CXCR5: variants seen among roughly 807,000 people sequenced by gnomAD.
The protein encoded by CXCR5 is C-X-C motif chemokine receptor 5.
In CXCR5, 3 loss-of-function variants were observed where a neutral mutation model predicts 5.6. The ratio of observed to expected loss-of-function variants is 0.54; its 90% CI spans 0.24 to 1.39. The LOEUF (loss-of-function observed/expected upper bound fraction) is 1.39. Among genes scored for constraint, CXCR5 ranks in the 40% most tolerant of loss-of-function variants. CXCR5 has a pLI of 0.16. For missense variants in CXCR5, 333 were observed against 494.6 expected (o/e 0.67, Z 3.10); for synonymous variants, 218 against 219.9 (o/e 0.99, Z 0.08).
rs1373094417 is a variant in CXCR5 at position 118,894,325 on chromosome 11, G to T, written c.781G>T (p.Ala261Ser). Residue 261 changes from alanine (A) to serine (S), a missense_variant, in exon 2 of 2, where the codon GCC (alanine) becomes TCC (serine). Ala to Ser is a moderately conservative substitution (Grantham distance 99). Coordinates refer to ENST00000292174, the MANE Select transcript of CXCR5 (RefSeq NM_001716.5). This position sits in a 1 kb window ranked among gnomAD's most constrained non-coding sequence, Gnocchi z 6.1. ...RPQRQKAVRV[A>S]ILVTSIFFLC... is the part of the protein sequence containing the mutation. ...TCAGCGGCAGAAGGCAGTCAGGGTG[G>T]CCATCCTGGTGACAAGCATCTTCTT... 2 of 1,614,134 alleles carry T rather than the reference G, an allele frequency of 1.2e-6. No homozygotes were observed. Among genetic ancestry groups the T allele is most frequent in the Admixed American group, 3.3e-5 (2 of 60,026 alleles).
At position 118,897,622 on chromosome 11, in the gene CXCR5, C is replaced by T. The variant is rs145472817; in HGVS notation, c.*2959C>T. 255 of 364,152 alleles carry T rather than the reference C, an allele frequency of 7.0e-4. 1 individual carries two copies. The highest frequency in any genetic ancestry group is 5.1e-3 in the African/African-American group (237 of 46,732). The allele number at this position is 364,152 out of a possible 1,614,324, so 22.6% of individuals were successfully genotyped here. A position where few individuals can be genotyped will look rare whatever the true frequency, so the allele number is the denominator to read the frequency against. On this transcript the variant is annotated 3_prime_UTR_variant, in exon 2 of 2. Coordinates refer to ENST00000292174, the MANE Select transcript of CXCR5 (RefSeq NM_001716.5). The stretch of plus-strand genomic sequence containing the variant: ...TTTACGTCATCTTACCATTTGGGGA[C>T]GAGACAGGAATGGTATCCCTTAGGG...
chr11:118,887,160 C>A, intron 1 of CXCR5: 1 of 823,820 alleles, frequency 1.2e-6, no homozygotes, highest in Non-Finnish European at 1.5e-6. Flanking sequence ...ACTGCAGAGT[C>A]TCCGTCAGGA....
intron 1 of CXCR5, chr11:118,887,597 G>A (rs1388597087): frequency 4.3e-6 from 1 of 233,904 alleles, no homozygotes; most frequent in Non-Finnish European, 7.0e-6. Flanking sequence ...CGGCAAGGGA[G>A]ATGTGACAAA....
At chr11:118,888,136 T>A (rs1939745681) in intron 1 of CXCR5, among the ~76,000 whole-genome samples, 1 of 152,130 alleles carries the variant, frequency 6.6e-6, no homozygotes, top group Admixed American at 6.5e-5. Flanking sequence ...GCGAGGGGCA[T>A]TTGAAGGCAG....
At chr11:118,888,549 C>A (rs1036601770) in intron 1 of CXCR5, among the ~76,000 whole-genome samples, 1 of 152,222 alleles carries the variant, frequency 6.6e-6, no homozygotes, top group African/African-American at 2.4e-5. Flanking sequence ...CACTTACAAG[C>A]CTCTGTTCAC....
intron 1 of CXCR5, among the ~76,000 whole-genome samples, chr11:118,892,231 G>C (rs908775412): frequency 6.6e-6 from 1 of 152,162 alleles, no homozygotes; most frequent in South Asian, 2.1e-4. Flanking sequence ...TTCCCCCAGA[G>C]CCAGAAGGAA....
rs1939937983 is a variant in CXCR5, at chr11:118,896,763, G to A, written c.*2100G>A. 6.5e-6 allele frequency: 1 copy of A among 152,760 alleles called. No homozygotes were observed. The highest frequency in any genetic ancestry group is 6.5e-5 in the Admixed American group (1 of 15,294). The allele number at this position is 152,760 out of a possible 1,614,324, so 9.5% of individuals were successfully genotyped here. ...TCCAGGCCAGGAAGGCTAGGGACGG[G>A]TCCTGGTAGAAGACACCCTGTCTAG... On this transcript the variant is annotated 3_prime_UTR_variant, in exon 2 of 2. Coordinates refer to ENST00000292174, the MANE Select transcript of CXCR5 (RefSeq NM_001716.5).
intron 1 of CXCR5, among the ~76,000 whole-genome samples, chr11:118,891,881 A>C (rs1463480031): frequency 1.3e-5 from 2 of 151,652 alleles, no homozygotes; most frequent in African/African-American, 4.8e-5. Flanking sequence ...CAAAAAAAAA[A>C]AAAAAAAAAA....
At position 118,894,033 on chromosome 11, in the gene CXCR5, C is replaced by T; in HGVS notation, c.489C>T (p.Leu163=). 1 of 1,613,950 alleles carries T rather than the reference C, an allele frequency of 6.2e-7. No individual in the cohort carries two copies. Among genetic ancestry groups the T allele is most frequent in the African/African-American group, 1.3e-5 (1 of 75,046 alleles). ...TCCATGCCTACCGCCACCGCCGCCT[C>T]CTCTCCATCCACATCACCTGTGGGA... ...HAVHAYRHRR[L]LSIHITCGTI... is the part of the protein sequence containing the mutation. Residue 163 remains leucine (L), a synonymous_variant, in exon 2 of 2, where the codon CTC becomes CTT. Transcript: ENST00000292174. This position sits in a 1 kb window ranked among gnomAD's most constrained non-coding sequence, Gnocchi z 6.1.
At chr11:118,890,262 C>A (rs1484651227) in intron 1 of CXCR5, among the ~76,000 whole-genome samples, 1 of 152,166 alleles carries the variant, frequency 6.6e-6, no homozygotes, top group East Asian at 1.9e-4. Context: ...GGCTCCTGGC[C>A]TTCTCTGGGA....
chr11:118,892,850 G>C (rs954220207), intron 1 of CXCR5, among the ~76,000 whole-genome samples: 4 of 152,138 alleles, frequency 2.6e-5, no homozygotes, highest in Non-Finnish European at 5.9e-5. Context: ...AGTGCTCCTA[G>C]CTGCAGGGAG....
Position 118,894,201 on chromosome 11 carries a change from A to C in CXCR5, c.657A>C (p.Arg219=). The stretch of plus-strand genomic sequence containing the variant: ...AAACGCATGCCTGGTTCACCTCCCG[A>C]TTCCTCTACCATGTGGCGGGATTCC... ...QAETHAWFTS[R]FLYHVAGFLL... Residue 219 remains arginine, a synonymous_variant, in exon 2 of 2, where the codon CGA becomes CGC. Transcript: ENST00000292174. This position sits in a 1 kb window ranked among gnomAD's most constrained non-coding sequence, Gnocchi z 6.1. 6.2e-7 allele frequency: 1 copy of C among 1,614,022 alleles called. No homozygotes were observed. Among genetic ancestry groups the C allele is most frequent in the Non-Finnish European group, 8.5e-7 (1 of 1,180,032 alleles).
chr11:118,894,259 G>A lies in CXCR5; in HGVS notation c.715G>A (p.Val239Met), dbSNP rs770635701. 20 of 1,614,004 alleles carry A rather than the reference G, an allele frequency of 1.2e-5. No homozygotes were observed. The highest frequency in any genetic ancestry group is 1.6e-4 in the Middle Eastern group (1 of 6,084). Residue 239 changes from valine to methionine, a missense_variant, in exon 2 of 2, where the codon GTG becomes ATG. By Grantham distance (21) the Val-to-Met change is conservative. Coordinates refer to ENST00000292174, the MANE Select transcript of CXCR5 (RefSeq NM_001716.5). The surrounding 1 kb of genome is among the most constrained non-coding windows in gnomAD (Gnocchi z 6.1). ...CATGCTGGTGATGGGCTGGTGCTACGTGGGGGTAGTGCACAGGTTGCGCCA... is the reference window on the plus strand; with the variant it reads ...CATGCTGGTGATGGGCTGGTGCTACATGGGGGTAGTGCACAGGTTGCGCCA... ...LPMLVMGWCY[V>M]GVVHRLRQAQ...
chr11:118,883,907 A>T lies in CXCR5; in HGVS notation c.-35A>T. 1 of 1,603,564 alleles carries T rather than the reference A, an allele frequency of 6.2e-7. No homozygotes were observed. The highest frequency in any genetic ancestry group is 1.3e-5 in the African/African-American group (1 of 74,716). ...GGCGGGGAGCCTCTCAACATAAGAC[A>T]GTGACCAGTCTGGTGACTCACAGCC... On this transcript the variant is annotated 5_prime_UTR_variant, in exon 1 of 2. Coordinates refer to ENST00000292174, the MANE Select transcript of CXCR5 (RefSeq NM_001716.5).
rs1011391063 is a variant in CXCR5 at position 118,894,752 on chromosome 11, C to T, written c.*89C>T. 15 of 1,329,966 alleles carry T rather than the reference C, an allele frequency of 1.1e-5. No homozygotes were observed. The highest frequency in any genetic ancestry group is 1.5e-5 in the African/African-American group (1 of 67,946). The allele number at this position is 1,329,966 out of a possible 1,614,324, so 82.4% of individuals were successfully genotyped here. A position where few individuals can be genotyped will look rare whatever the true frequency, so the allele number is the denominator to read the frequency against. On this transcript the variant is annotated 3_prime_UTR_variant, in exon 2 of 2. Transcript: ENST00000292174. This position sits in a 1 kb window ranked among gnomAD's most constrained non-coding sequence, Gnocchi z 6.1. ...CCAACAGGAGCTGGGATCCTAAGGG[C>T]TCACCGTGGCTAAGAGTGTCCTAGG...
rs45533939 is a variant in CXCR5 at position 118,884,209 on chromosome 11, T to G, written c.51+217T>G. Among the ~76,000 whole-genome samples the G allele has an allele frequency of 2.0e-5, 3 of 152,234 alleles. No individual in the cohort carries two copies. The East Asian group carries it at 5.8e-4, about 29-fold the overall frequency. On this transcript the variant is annotated intron_variant, in intron 1 of 1. Transcript: ENST00000292174. Reference sequence around the variant, plus strand: ...AGCTGCTGTCCTTAGGAGACATCCTTTAGAGGAAGCTGGAAGACACGGGTT... The same window carrying G: ...AGCTGCTGTCCTTAGGAGACATCCTGTAGAGGAAGCTGGAAGACACGGGTT...
chr11:118,887,893 G>T (rs568625476), intron 1 of CXCR5, among the ~76,000 whole-genome samples: 5 of 152,130 alleles, frequency 3.3e-5, no homozygotes, highest in African/African-American at 4.8e-5. Flanking sequence ...GACACCTCCC[G>T]CGGCCAGCAT....
intron 1 of CXCR5, among the ~76,000 whole-genome samples, chr11:118,884,860 G>A (rs1419881867): frequency 6.6e-6 from 1 of 152,104 alleles, no homozygotes; most frequent in Non-Finnish European, 1.5e-5. Context: ...AGAAACACAG[G>A]GTTCCTTGTG....
At chr11:118,888,245 T>C (rs1359937940) in intron 1 of CXCR5, among the ~76,000 whole-genome samples, 4 of 152,118 alleles carry the variant, frequency 2.6e-5, no homozygotes, top group Admixed American at 6.5e-5. Context: ...TGCTGGACAG[T>C]TCTGTCTGTT....
Sources: allele counts gnomAD v4.1 joint callset (sites outside exome capture counted in the v4.1 genomes callset), GRCh38; gene constraint gnomAD v4.1.1; non-coding constraint Gnocchi (gnomAD v3.1); transcripts MANE v1.5; gene names NCBI Gene and HGNC (gene_info 2026-07-23, HGNC 2026-07-21).